SUPT3H: variants seen among roughly 807,000 people sequenced by gnomAD.
SUPT3H encodes the protein transcription initiation protein SPT3 homolog.
In SUPT3H, 44 loss-of-function variants were observed where a neutral mutation model predicts 44.3. The ratio of observed to expected loss-of-function variants is 0.99; its 90% CI spans 0.78 to 1.28. The LOEUF is 1.28. Ranked by LOEUF, SUPT3H falls within the 50% of genes most tolerant of loss-of-function variation. SUPT3H has a pLI of 0.00. For missense variants in SUPT3H, 380 were observed against 387.1 expected, an observed-to-expected ratio of 0.98 and a Z score of 0.15; for synonymous variants, 124 against 125.6, an observed-to-expected ratio of 0.99 and a Z score of 0.09.
intron 3 of SUPT3H, among the ~76,000 whole-genome samples, chr6:45,079,815 C>T (rs1294711763): frequency 1.3e-5 from 2 of 152,164 alleles, no homozygotes; most frequent in Non-Finnish European, 1.5e-5. Flanking sequence ...GGATTAAAGA[C>T]TTAAATCTAA....
intron 2 of SUPT3H, among the ~76,000 whole-genome samples, chr6:45,362,385 G>A (rs1169629320): frequency 2.0e-5 from 3 of 152,126 alleles, no homozygotes; most frequent in Non-Finnish European, 4.4e-5. Flanking sequence ...AACAGGCTTA[G>A]AACTATGAAC....
chr6:44,813,733 G>A (rs1327970132), intron 11 of SUPT3H, among the ~76,000 whole-genome samples: 2 of 151,066 alleles, frequency 1.3e-5, no homozygotes, highest in Non-Finnish European at 1.5e-5. Context: ...TTCAGTAGAT[G>A]AGCTTAATAG....
At chr6:44,859,658 C>T (rs1046121467) in intron 10 of SUPT3H, among the ~76,000 whole-genome samples, 5 of 151,950 alleles carry the variant, frequency 3.3e-5, no homozygotes, top group South Asian at 2.1e-4. Flanking sequence ...GGGTCCTGTC[C>T]GAAATTCAAG....
intron 6 of SUPT3H, among the ~76,000 whole-genome samples, chr6:44,985,627 C>T (rs900426533): frequency 2.6e-5 from 4 of 152,076 alleles, no homozygotes; most frequent in Non-Finnish European, 1.5e-5. Context: ...AAATTTTGTC[C>T]TCTTTCTACA....
At chr6:45,123,902 C>T (rs2153580515) in intron 2 of SUPT3H, among the ~76,000 whole-genome samples, 1 of 152,276 alleles carries the variant, frequency 6.6e-6, no homozygotes, top group South Asian at 2.1e-4. Flanking sequence ...AGTGCTACAT[C>T]TCATGAAATA....
At chr6:45,331,604 A>C (rs559224280) in intron 2 of SUPT3H, among the ~76,000 whole-genome samples, 19 of 152,116 alleles carry the variant, frequency 1.2e-4, no homozygotes, top group Admixed American at 1.1e-3. Flanking sequence ...AAATTATTTT[A>C]AATTATAATA....
chr6:45,334,597 G>A (rs1455968864), intron 2 of SUPT3H, among the ~76,000 whole-genome samples: 1 of 150,554 alleles, frequency 6.6e-6, no homozygotes, highest in Non-Finnish European at 1.5e-5. Flanking sequence ...ACATGAACAC[G>A]ATGTATTTTT....
chr6:45,040,936 T>C (rs1388437238), intron 3 of SUPT3H, among the ~76,000 whole-genome samples: 1 of 152,190 alleles, frequency 6.6e-6, no homozygotes, highest in Non-Finnish European at 1.5e-5. Flanking sequence ...ATTTTTTCCA[T>C]TTCAAAATCT....
At chr6:45,316,077 G>T (rs1784650843) in intron 2 of SUPT3H, among the ~76,000 whole-genome samples, 1 of 152,132 alleles carries the variant, frequency 6.6e-6, no homozygotes, top group South Asian at 2.1e-4. Flanking sequence ...CTCAGGAATG[G>T]AAAACCAAAC....
At chr6:45,321,645 C>A in intron 2 of SUPT3H, 1 of 596,604 alleles carries the variant, frequency 1.7e-6, no homozygotes. Flanking sequence ...TTCAATCTAG[C>A]AACCAATCAA....
chr6:45,142,955 A>G (rs1364227169), intron 2 of SUPT3H, among the ~76,000 whole-genome samples: 1 of 152,034 alleles, frequency 6.6e-6, no homozygotes, highest in African/African-American at 2.4e-5. Flanking sequence ...CAATTAAAAA[A>G]AAAGACAAAG....
chr6:45,303,488 G>C (rs1782470341), intron 2 of SUPT3H, among the ~76,000 whole-genome samples: 1 of 152,198 alleles, frequency 6.6e-6, no homozygotes, highest in East Asian at 1.9e-4. Context: ...AAAGAAGATA[G>C]AGAAATGGCC....
rs181643853 is a variant in SUPT3H at position 44,835,445 on chromosome 6, G to A, written c.913-5588C>T. On this transcript the variant is annotated intron_variant, in intron 10 of 10. Coordinates refer to ENST00000371459, the MANE Select transcript of SUPT3H (RefSeq NM_003599.4). ...CCAAATTCTTCACATCTTGGGATGT[G>A]AGGGCACAGAGGGTTGAGGTTGAAA... 3.4e-4 allele frequency among the ~76,000 whole-genome samples: 50 copies of A among 147,030 alleles called. No individual in the cohort carries two copies. The East Asian group carries it at 8.2e-3, about 24-fold the overall frequency.
intron 6 of SUPT3H, among the ~76,000 whole-genome samples, chr6:44,987,080 C>A (rs1023876329): frequency 6.6e-6 from 1 of 152,118 alleles, no homozygotes; most frequent in Admixed American, 6.5e-5. Context: ...CTGGTGAGGG[C>A]TCTCTTCCTG....
chr6:45,015,898 G>A (rs543547775), intron 4 of SUPT3H, among the ~76,000 whole-genome samples: 1 of 151,888 alleles, frequency 6.6e-6, no homozygotes, highest in South Asian at 2.1e-4. Flanking sequence ...AGGTCTTCAA[G>A]GGCAATAGCA....
chr6:45,098,981 A>C, intron 3 of SUPT3H: 2 of 424,056 alleles, frequency 4.7e-6, no homozygotes, highest in Non-Finnish European at 9.3e-6. Context: ...GGATCCAGCT[A>C]CAGCCTATTC....
chr6:45,291,941 C>T (rs9472456), intron 2 of SUPT3H, among the ~76,000 whole-genome samples: 2,414 of 152,220 alleles, frequency 0.016, 35 homozygotes, highest in Middle Eastern at 0.034. Flanking sequence ...AAAAGGAACA[C>T]CTGCAAAATT....
At chr6:44,960,312 C>A (rs1775827025) in intron 7 of SUPT3H, among the ~76,000 whole-genome samples, 1 of 147,670 alleles carries the variant, frequency 6.8e-6, no homozygotes, top group Non-Finnish European at 1.5e-5. Flanking sequence ...GAGGTTGAGG[C>A]AAGGAGAATC....
intron 2 of SUPT3H, among the ~76,000 whole-genome samples, chr6:45,128,533 A>AAAATATATAT (rs1554257896): frequency 3.8e-5 from 2 of 52,254 alleles, no homozygotes; most frequent in Non-Finnish European, 6.7e-5. Context: ...AAAAAAAAAA[A>AAAATATATAT]ATATATATAT....
Sources: allele counts gnomAD v4.1 joint callset (sites outside exome capture counted in the v4.1 genomes callset), GRCh38; gene constraint gnomAD v4.1.1; transcripts MANE v1.5; gene names NCBI Gene and HGNC (gene_info 2026-07-23, HGNC 2026-07-21).